The following DNM3 variants were observed in gnomAD, a reference collection of about 807,000 sequenced individuals.
The protein encoded by DNM3 is dynamin 3.
A neutral mutation model predicts 101.6 loss-of-function variants in DNM3; 47 were observed. The observed-to-expected ratio is 0.46, with a 90% CI of 0.37 to 0.59. The LOEUF (loss-of-function observed/expected upper bound fraction) is 0.59. DNM3 is among the 20% of genes least tolerant of loss of function. The pLI is 0.00. For synonymous variants in DNM3, 385 were observed against 387.9 expected (o/e 0.99, Z 0.09); for missense variants, 849 against 1,085.7 (o/e 0.78, Z 3.06).
chr1:172,079,093 G>T (rs1388820135), intron 11 of DNM3, among the ~76,000 whole-genome samples: 1 of 152,104 alleles, frequency 6.6e-6, no homozygotes, highest in East Asian at 1.9e-4. Flanking sequence ...ATGATTATGT[G>T]TCTTGGGGTT....
At chr1:172,318,885 T>G (rs1361154263) in intron 16 of DNM3, among the ~76,000 whole-genome samples, 1 of 152,182 alleles carries the variant, frequency 6.6e-6, no homozygotes, top group African/African-American at 2.4e-5. Context: ...TGGAAAAAAC[T>G]ACTTTAAAGT....
At chr1:172,230,663 G>T (rs1573038470) in intron 14 of DNM3, among the ~76,000 whole-genome samples, 1 of 151,900 alleles carries the variant, frequency 6.6e-6, no homozygotes, top group East Asian at 1.9e-4. Flanking sequence ...ATGTTTCATG[G>T]GTGTATAGTA....
At chr1:172,369,670 T>C (rs756743090) in intron 17 of DNM3, among the ~76,000 whole-genome samples, 11 of 151,922 alleles carry the variant, frequency 7.2e-5, no homozygotes, top group Non-Finnish European at 1.6e-4. Flanking sequence ...TGATGTGCTG[T>C]AAGTGTAACA....
chr1:172,033,076 C>T, intron 5 of DNM3, 29 bp from the exon 6 acceptor site: 1 of 1,604,466 alleles, frequency 6.2e-7, no homozygotes, highest in Non-Finnish European at 8.5e-7. Flanking sequence ...AAAGTGTCCC[C>T]AACTCCATAG....
intron 14 of DNM3, among the ~76,000 whole-genome samples, chr1:172,198,866 A>T (rs905796162): frequency 2.6e-5 from 4 of 151,836 alleles, no homozygotes; most frequent in Admixed American, 2.0e-4. Context: ...CAACTCCTGG[A>T]TTCATTGTTC....
chr1:172,016,665 A>G (rs2047475360), intron 4 of DNM3, among the ~76,000 whole-genome samples: 1 of 152,162 alleles, frequency 6.6e-6, no homozygotes, highest in Non-Finnish European at 1.5e-5. Context: ...GATTGTGGAA[A>G]ATTGGTATGA....
At chr1:171,843,571 A>G (rs2031609660) in intron 1 of DNM3, among the ~76,000 whole-genome samples, 2 of 152,230 alleles carry the variant, frequency 1.3e-5, no homozygotes, top group South Asian at 4.1e-4. Flanking sequence ...TGAAATTACC[A>G]TATTTTTATG....
chr1:172,241,804 T>A (rs2061758696), intron 14 of DNM3, among the ~76,000 whole-genome samples: 1 of 152,168 alleles, frequency 6.6e-6, no homozygotes, highest in East Asian at 1.9e-4. Flanking sequence ...CTCATTTGAC[T>A]CATTTTTTGA....
chr1:172,211,338 T>G (rs570814921), intron 14 of DNM3, among the ~76,000 whole-genome samples: 1 of 152,210 alleles, frequency 6.6e-6, no homozygotes, highest in South Asian at 2.1e-4. Flanking sequence ...GTCTAAAGTT[T>G]TCCTTCTACA....
intron 12 of DNM3, among the ~76,000 whole-genome samples, chr1:172,086,077 A>G (rs1361526601): frequency 6.6e-6 from 1 of 152,196 alleles, no homozygotes; most frequent in Non-Finnish European, 1.5e-5. Context: ...ATAAATTCCA[A>G]TGTTCCAAGC....
chr1:172,350,511 G>T (rs1410179580), intron 17 of DNM3, among the ~76,000 whole-genome samples: 1 of 152,064 alleles, frequency 6.6e-6, no homozygotes, highest in East Asian at 1.9e-4. Context: ...TCACTACAGA[G>T]GAAGAAAGGA....
chr1:172,134,107 G>C (rs1558622236), intron 14 of DNM3, among the ~76,000 whole-genome samples: 1 of 152,170 alleles, frequency 6.6e-6, no homozygotes, highest in Non-Finnish European at 1.5e-5. Flanking sequence ...TGGAAACTCT[G>C]ACCATGGTCC....
chr1:172,283,759 CAAA>C (rs769812358), intron 15 of DNM3, among the ~76,000 whole-genome samples: 5 of 40,292 alleles, frequency 1.2e-4, no homozygotes, highest in South Asian at 7.9e-4. Flanking sequence ...GACTCCATCT[CAAA>C]AAAAAAAAAA....
At chr1:172,076,983 C>T (rs1453656022) in intron 11 of DNM3, among the ~76,000 whole-genome samples, 1 of 152,170 alleles carries the variant, frequency 6.6e-6, no homozygotes, top group Non-Finnish European at 1.5e-5. Flanking sequence ...ATGACTGCCT[C>T]AATTTCAGAA....
chr1:172,325,259 C>T (rs1423743325), intron 17 of DNM3, among the ~76,000 whole-genome samples: 1 of 152,146 alleles, frequency 6.6e-6, no homozygotes, highest in Non-Finnish European at 1.5e-5. Flanking sequence ...TCCAGCTGCC[C>T]TCGGTCACCA....
At chr1:171,972,606 T>C (rs1051818094) in intron 2 of DNM3, among the ~76,000 whole-genome samples, 1 of 152,150 alleles carries the variant, frequency 6.6e-6, no homozygotes, top group African/African-American at 2.4e-5. Context: ...TCCCAGCACT[T>C]TGAGAGGCCG....
intron 15 of DNM3, among the ~76,000 whole-genome samples, chr1:172,288,057 G>A (rs918965636): frequency 1.3e-5 from 2 of 152,150 alleles, no homozygotes; most frequent in Admixed American, 1.3e-4. Context: ...ATTCTGTCAT[G>A]CATTCATTGC....
At chr1:171,941,520 C>T (rs2041815010) in intron 2 of DNM3, among the ~76,000 whole-genome samples, 1 of 152,080 alleles carries the variant, frequency 6.6e-6, no homozygotes, top group South Asian at 2.1e-4. Context: ...GAGAATACTC[C>T]CCCTCAGGAA....
At chr1:172,218,156 C>G (rs981103324) in intron 14 of DNM3, among the ~76,000 whole-genome samples, 7 of 152,008 alleles carry the variant, frequency 4.6e-5, no homozygotes, top group African/African-American at 9.7e-5. Flanking sequence ...TATATCATTA[C>G]AGAGAGTACT....
Sources: gnomAD v4.1 joint callset for allele counts (sites outside exome capture counted in the v4.1 genomes callset) on GRCh38, gnomAD v4.1.1 for gene constraint, MANE v1.5 for transcripts, NCBI Gene and HGNC (gene_info 2026-07-23, HGNC 2026-07-21) for gene names.